The following PREX1 variants were observed in gnomAD, a reference collection of about 807,000 sequenced individuals.
The protein encoded by PREX1 is phosphatidylinositol-3,4,5-trisphosphate dependent Rac exchange factor 1, also known as phosphatidylinositol 3,4,5-trisphosphate-dependent Rac exchanger 1 protein.
PREX1 carries 41 observed loss-of-function variants against 198.3 expected under a neutral mutation model. The observed-to-expected ratio is 0.21, with a 90% CI of 0.16 to 0.27. The LOEUF (loss-of-function observed/expected upper bound fraction) is 0.27. Among genes scored for constraint, PREX1 ranks in the 10% least tolerant of loss-of-function variants. The probability of loss-of-function intolerance (pLI) is 1.00; values close to 1 mark genes in which losing one functional copy is unlikely to be tolerated. For synonymous variants in PREX1, 843 were observed against 887.2 expected (o/e 0.95, Z 0.89); for missense variants, 1,620 against 2,200.7 (o/e 0.74, Z 5.28).
At chr20:48,775,934 G>A (rs998756867) in intron 1 of PREX1, among the ~76,000 whole-genome samples, 3 of 152,138 alleles carry the variant, frequency 2.0e-5, no homozygotes, top group Admixed American at 2.0e-4. Flanking sequence ...TGGAAATCTG[G>A]GCAAGAAGGT....
At chr20:48,763,178 G>C (rs2090191218) in intron 1 of PREX1, among the ~76,000 whole-genome samples, 1 of 152,232 alleles carries the variant, frequency 6.6e-6, no homozygotes, top group Admixed American at 6.5e-5. Context: ...ATAGATACCT[G>C]CATCACGGGG....
the PREX1 span, among the ~76,000 whole-genome samples, chr20:48,878,200 A>T: frequency 1.3e-5 from 2 of 152,032 alleles, no homozygotes; most frequent in African/African-American, 4.8e-5. Flanking sequence ...CTGACCTCCT[A>T]GTCTCCCCTT....
chr20:48,713,056 G>A (rs1212726031), intron 5 of PREX1, among the ~76,000 whole-genome samples: 7 of 151,920 alleles, frequency 4.6e-5, no homozygotes, highest in South Asian at 4.2e-4. Context: ...CCTGGGAGGC[G>A]GAGGTTGCAG....
intron 35 of PREX1, among the ~76,000 whole-genome samples, chr20:48,631,763 G>A (rs544616983): frequency 1.3e-5 from 2 of 152,280 alleles, no homozygotes; most frequent in South Asian, 4.1e-4. Flanking sequence ...GGTGGTAGGA[G>A]TGGGAGCTGC....
intron 6 of PREX1, among the ~76,000 whole-genome samples, chr20:48,703,936 A>T (rs1468836916): frequency 2.0e-5 from 3 of 152,220 alleles, no homozygotes; most frequent in African/African-American, 7.2e-5. Flanking sequence ...GAGGCTGAGC[A>T]CCAAGACATG....
the PREX1 span, among the ~76,000 whole-genome samples, chr20:48,864,793 C>T: frequency 3.9e-5 from 6 of 152,300 alleles, no homozygotes; most frequent in East Asian, 1.2e-3. Context: ...CATTGTTCTT[C>T]GTGGGTTCTT....
At chr20:48,800,503 C>T (rs993584708) in intron 1 of PREX1, among the ~76,000 whole-genome samples, 4 of 152,282 alleles carry the variant, frequency 2.6e-5, no homozygotes, top group East Asian at 3.9e-4. Flanking sequence ...GATGTGTGCC[C>T]GGCATCATGC....
At chr20:48,650,428 G>T (rs1386134074) in intron 23 of PREX1, among the ~76,000 whole-genome samples, 1 of 152,238 alleles carries the variant, frequency 6.6e-6, no homozygotes, top group African/African-American at 2.4e-5. Flanking sequence ...CCCACCCCAT[G>T]CATGGCTCCA....
rs1051219541 is a variant in PREX1, at chr20:48,775,910, A to T, written c.220-28030T>A. 2.0e-5 allele frequency among the ~76,000 whole-genome samples: 3 copies of T among 152,270 alleles called. No individual in the cohort carries two copies. In the South Asian group the frequency reaches 6.2e-4, roughly 32 times the overall value. ...TTTATCAGCAGTATGAAAATGGACTAATACAGGCGGTTTTGGAAATCTGGG... is the reference window on the plus strand; with the variant it reads ...TTTATCAGCAGTATGAAAATGGACTTATACAGGCGGTTTTGGAAATCTGGG... On this transcript the variant is annotated intron_variant, in intron 1 of 39. Transcript: ENST00000371941.
chr20:48,852,839 G>A, the PREX1 span, among the ~76,000 whole-genome samples: 1 of 152,238 alleles, frequency 6.6e-6, no homozygotes. Flanking sequence ...GCCTTGAAAA[G>A]TATCAAGTAT....
the PREX1 span, among the ~76,000 whole-genome samples, chr20:48,847,363 A>G: frequency 7.7e-6 from 1 of 130,016 alleles, no homozygotes; most frequent in Non-Finnish European, 1.7e-5. Flanking sequence ...TCCTTCTCTT[A>G]TAAAAAAAAA....
chr20:48,706,163 TAG>T (rs2089901759), intron 6 of PREX1, among the ~76,000 whole-genome samples: 1 of 152,242 alleles, frequency 6.6e-6, no homozygotes, highest in African/African-American at 2.4e-5. Context: ...TAAAGGGTTT[TAG>T]AGACCCTTGG....
chr20:48,797,532 C>T (rs1286853150), intron 1 of PREX1, among the ~76,000 whole-genome samples: 1 of 152,150 alleles, frequency 6.6e-6, no homozygotes, highest in Non-Finnish European at 1.5e-5. Flanking sequence ...TCTCTCTCCC[C>T]TCCCATCCCC....
At chr20:48,770,486 G>C (rs1356982619) in intron 1 of PREX1, among the ~76,000 whole-genome samples, 2 of 152,142 alleles carry the variant, frequency 1.3e-5, no homozygotes, top group African/African-American at 2.4e-5. Context: ...TGAGGCAGGT[G>C]GATCACCTGA....
the PREX1 span, among the ~76,000 whole-genome samples, chr20:48,862,790 A>AATATATATATAT: frequency 2.9e-3 from 302 of 102,520 alleles, 2 homozygotes; most frequent in African/African-American, 9.4e-3. Flanking sequence ...TAAAAAAAAA[A>AATATATATATAT]ATATATATAT....
intron 1 of PREX1, among the ~76,000 whole-genome samples, chr20:48,756,528 A>G (rs543941395): frequency 6.6e-6 from 1 of 152,274 alleles, no homozygotes; most frequent in South Asian, 2.1e-4. Context: ...ACATTTACAA[A>G]GTCCATATAT....
chr20:48,857,911 T>A, the PREX1 span, among the ~76,000 whole-genome samples: 1 of 151,640 alleles, frequency 6.6e-6, no homozygotes. Context: ...AAAAGGGGGG[T>A]CTGGGCCAAG....
intron 1 of PREX1, among the ~76,000 whole-genome samples, chr20:48,752,252 G>A (rs77044851): frequency 0.032 from 4,851 of 152,286 alleles, 128 homozygotes; most frequent in African/African-American, 0.07. Context: ...TCATTCCCAC[G>A]CATGCCTCTG....
At chr20:48,654,543 G>A (rs2089527818) in intron 19 of PREX1, among the ~76,000 whole-genome samples, 1 of 152,224 alleles carries the variant, frequency 6.6e-6, no homozygotes, top group Non-Finnish European at 1.5e-5. Flanking sequence ...ATGTCTCCGG[G>A]CAGGGCCGAT....
Sources: gnomAD v4.1 joint callset for allele counts (sites outside exome capture counted in the v4.1 genomes callset) on GRCh38, gnomAD v4.1.1 for gene constraint, MANE v1.5 for transcripts, NCBI Gene and HGNC (gene_info 2026-07-23, HGNC 2026-07-21) for gene names.